The following COG2 variants were observed in gnomAD, a reference collection of about 807,000 sequenced individuals.
COG2 encodes conserved oligomeric Golgi complex subunit 2.
A neutral mutation model predicts 90.6 loss-of-function variants in COG2; 52 were observed. That is an observed-to-expected ratio of 0.57 (90% CI 0.46 to 0.72). COG2 has a LOEUF of 0.72. COG2 is among the 30% of genes least tolerant of loss of function. The pLI, the probability that COG2 is intolerant of heterozygous loss-of-function variation, is 0.00. For missense variants in COG2, 829 were observed against 891.2 expected (o/e 0.93, Z 0.89); for synonymous variants, 337 against 320.4 (o/e 1.05, Z -0.55).
At chr1:230,678,055 C>G (rs1340287843) in intron 9 of COG2, 1 of 985,282 alleles carries the variant, frequency 1.0e-6, no homozygotes, top group Non-Finnish European at 1.2e-6. Flanking sequence ...TAAGCACAGA[C>G]TTTAGCATAT....
At position 230,647,904 on chromosome 1, in the gene COG2, G is replaced by A. The variant is rs898596645; in HGVS notation, c.72+5226G>A. ...TTGAATTAGAGGGTGTGGAATGCTC[G>A]GATACAGAGGGACAACTGTAGTAGA... On this transcript the variant is annotated intron_variant, in intron 1 of 17. Coordinates refer to ENST00000366669, the MANE Select transcript of COG2 (RefSeq NM_007357.3). Among the ~76,000 whole-genome samples the A allele has an allele frequency of 6.6e-5, 10 of 151,872 alleles. 2 individuals carry two copies. The highest frequency in any genetic ancestry group is 5.2e-4 in the Admixed American group (8 of 15,258).
chr1:230,672,482 T>C (rs540905638), intron 8 of COG2, among the ~76,000 whole-genome samples: 3 of 152,222 alleles, frequency 2.0e-5, no homozygotes, highest in African/African-American at 7.2e-5. Flanking sequence ...CCCTTTGTTT[T>C]CCTGTCAAAC....
chr1:230,690,082 A>T lies in COG2; in HGVS notation c.1863A>T (p.Gly621=). 1 of 1,613,468 alleles carries T rather than the reference A, an allele frequency of 6.2e-7. No homozygotes were observed. Among genetic ancestry groups the T allele is most frequent in the Non-Finnish European group, 8.5e-7 (1 of 1,179,718 alleles). ...AGCCCTTATTCCAGCTTCAGAGCGGACACAAGGATAAGCTCAAACAAGCAA... is the reference window on the plus strand; with the variant it reads ...AGCCCTTATTCCAGCTTCAGAGCGGTCACAAGGATAAGCTCAAACAAGCAA... ...ALKPLFQLQS[G]HKDKLKQAII... is the part of the protein sequence containing the mutation. Residue 621 remains glycine (G), a synonymous_variant, in exon 16 of 18, where the codon GGA becomes GGT. Coordinates refer to ENST00000366669, the MANE Select transcript of COG2 (RefSeq NM_007357.3).
intron 3 of COG2, among the ~76,000 whole-genome samples, chr1:230,662,860 T>C (rs1164543494): frequency 6.6e-6 from 1 of 152,220 alleles, no homozygotes; most frequent in Admixed American, 6.5e-5. Flanking sequence ...CCTTATACTT[T>C]GACTCAGGTT....
In COG2 at chr1:230,663,137, A is replaced by G; in HGVS notation, c.301-4A>G. Reference sequence around the variant, plus strand: ...GCAGTACTTTTTTTTTTTGTCTTTTAAAGAGCCTTAGATCGTCTGTCAGTG... The same window carrying G: ...GCAGTACTTTTTTTTTTTGTCTTTTGAAGAGCCTTAGATCGTCTGTCAGTG... On this transcript the variant is annotated splice_polypyrimidine_tract_variant and splice_region_variant and intron_variant, in intron 3 of 17. Transcript: ENST00000366669. 1.3e-6 allele frequency: 2 copies of G among 1,587,944 alleles called. No individual in the cohort carries two copies. The highest frequency in any genetic ancestry group is 1.7e-6 in the Non-Finnish European group (2 of 1,170,506).
intron 7 of COG2, 72 bp from the exon 8 acceptor site, chr1:230,671,444 G>A (rs767933351): frequency 1.9e-5 from 27 of 1,397,666 alleles, no homozygotes; most frequent in Non-Finnish European, 2.6e-5. Flanking sequence ...TTTCTTTATT[G>A]TTTTCTCTGA....
intron 4 of COG2, among the ~76,000 whole-genome samples, chr1:230,663,509 AG>A (rs1662241830): frequency 6.6e-6 from 1 of 152,208 alleles, no homozygotes; most frequent in Non-Finnish European, 1.5e-5. Context: ...ATTCTCCTTT[AG>A]ATCCCTTCTC....
At chr1:230,676,640 G>A (rs1472367574) in intron 9 of COG2, among the ~76,000 whole-genome samples, 1 of 151,922 alleles carries the variant, frequency 6.6e-6, no homozygotes, top group East Asian at 1.9e-4. Flanking sequence ...GTTCATTTTT[G>A]AATGTCAGCT....
chr1:230,683,477 G>A, intron 10 of COG2, 97 bp from the exon 11 acceptor site: 1 of 864,552 alleles, frequency 1.2e-6, no homozygotes, highest in Non-Finnish European at 1.9e-6. Flanking sequence ...GTGAGTGACA[G>A]AGGAAGTTCC....
Position 230,660,796 on chromosome 1 carries a change from T to C in COG2, c.273T>C (p.Pro91=). 1 of 1,587,220 alleles carries C rather than the reference T, an allele frequency of 6.3e-7. No individual in the cohort carries two copies. The highest frequency in any genetic ancestry group is 1.4e-5 in the African/African-American group (1 of 73,286). ...AAGCCCTCAACCAGCTTTCTGTGCC[T>C]TTGGGACAATTACGAGAAGAGGTTC... ...MDKALNQLSV[P]LGQLREEVLS... is the part of the protein sequence containing the mutation. The change falls in exon 3 of 18, where the codon CCT becomes CCC. Residue 91 remains proline (P), a synonymous_variant. Coordinates refer to ENST00000366669, the MANE Select transcript of COG2 (RefSeq NM_007357.3).
intron 8 of COG2, among the ~76,000 whole-genome samples, chr1:230,672,166 G>A (rs892261819): frequency 1.3e-5 from 2 of 152,020 alleles, no homozygotes; most frequent in African/African-American, 4.8e-5. Flanking sequence ...TTCCCACCCT[G>A]TCTCCCTGCT....
At chr1:230,677,510 A>G (rs1231735838) in intron 9 of COG2, among the ~76,000 whole-genome samples, 1 of 152,230 alleles carries the variant, frequency 6.6e-6, no homozygotes, top group African/African-American at 2.4e-5. Context: ...GCCATTTTCA[A>G]TAAATTTTAT....
At chr1:230,663,708 G>A (rs1326895875) in intron 4 of COG2, among the ~76,000 whole-genome samples, 2 of 152,152 alleles carry the variant, frequency 1.3e-5, no homozygotes, top group East Asian at 3.8e-4. Flanking sequence ...TTAACAATGA[G>A]TTTTTATAAT....
intron 17 of COG2, chr1:230,691,794 G>C (rs552627168): frequency 4.3e-6 from 2 of 462,108 alleles, no homozygotes; most frequent in Non-Finnish European, 7.7e-6. Context: ...CTCTGGTGCT[G>C]TTGCCATCTG....
rs1663086478 is a variant in COG2, at chr1:230,693,322, AT to A, written c.2147del (p.Ile716LysfsTer32). 6.2e-7 allele frequency: 1 copy of A among 1,613,658 alleles called. No individual in the cohort carries two copies. On this transcript the variant is annotated frameshift_variant, in exon 18 of 18. Transcript: ENST00000366669. LOFTEE classifies it high-confidence loss of function. ...AAAGTTGGGACTACAAGCAAGTGAC[AT>A]AAAAAGCTTCTCAGCTCTCGCAGAG... is the stretch of plus-strand genomic sequence containing the variant. ...IQKLGLQASD[I>X]KSFSALAELV... is the part of the protein sequence containing the mutation.
chr1:230,677,900 T>C (rs371756091), intron 9 of COG2: 1 of 331,406 alleles, frequency 3.0e-6, no homozygotes. Flanking sequence ...TGCAGAGGTA[T>C]AGTTTTGTCC....
intron 17 of COG2, among the ~76,000 whole-genome samples, chr1:230,692,772 A>G (rs1359070791): frequency 1.6e-5 from 2 of 128,258 alleles, no homozygotes; most frequent in Non-Finnish European, 3.5e-5. Flanking sequence ...GTATGGATGT[A>G]TACGTGTGTG....
At chr1:230,684,437 G>A (rs1662836542) in intron 11 of COG2, 1 of 152,438 alleles carries the variant, frequency 6.6e-6, no homozygotes, top group South Asian at 2.1e-4. Flanking sequence ...GGTAACAGTT[G>A]TAGGTATGTG....
chr1:230,669,346 T>A lies in COG2; in HGVS notation c.595-10T>A. The A allele has an allele frequency of 3.1e-6, 5 of 1,590,532 alleles. No individual in the cohort carries two copies. The highest frequency in any genetic ancestry group is 4.3e-6 in the Non-Finnish European group (5 of 1,166,832). ...GAGCTTTTTTTTTATTTACCCACCT[T>A]TTCTTGCAGCGTATAGCTGGCATTA... On this transcript the variant is annotated splice_polypyrimidine_tract_variant and intron_variant, in intron 6 of 17. Coordinates refer to ENST00000366669, the MANE Select transcript of COG2 (RefSeq NM_007357.3).
Sources: allele counts gnomAD v4.1 joint callset (sites outside exome capture counted in the v4.1 genomes callset), GRCh38; gene constraint gnomAD v4.1.1; transcripts MANE v1.5; gene names NCBI Gene and HGNC (gene_info 2026-07-23, HGNC 2026-07-21).